The following ALDH4A1 variants were observed in gnomAD, a reference collection of about 807,000 sequenced individuals.
The protein encoded by ALDH4A1 is aldehyde dehydrogenase 4 family member A1.
Under a neutral mutation model 70.5 loss-of-function variants are expected in ALDH4A1, and 46 were observed. The observed-to-expected ratio is 0.65, with a 90% CI of 0.51 to 0.83. ALDH4A1 has a LOEUF of 0.83. Ranked by LOEUF, ALDH4A1 falls within the 40% of genes least tolerant of loss-of-function variation. The pLI, the probability that ALDH4A1 is intolerant of heterozygous loss-of-function variation, is 0.00. For synonymous variants in ALDH4A1, 323 were observed against 324.3 expected (o/e 1.00, Z 0.04); for missense variants, 749 against 766.5 (o/e 0.98, Z 0.27).
chr1:18,897,404 G>A lies in ALDH4A1; in HGVS notation c.62+5058C>T, dbSNP rs562563966. Among the ~76,000 whole-genome samples the A allele has an allele frequency of 8.5e-5, 13 of 152,304 alleles. No individual in the cohort carries two copies. The South Asian group carries it at 2.3e-3, about 27-fold the overall frequency. ...CTAAAAGTACAAAAATTAGCTGGACGTGGTGGCGTGTGCCTGTAGTCTCAG... is the reference window on the plus strand; with the variant it reads ...CTAAAAGTACAAAAATTAGCTGGACATGGTGGCGTGTGCCTGTAGTCTCAG... On this transcript the variant is annotated intron_variant, in intron 1 of 14. Transcript: ENST00000375341.
At chr1:18,890,701 T>C (rs1212760285) in intron 1 of ALDH4A1, 1 of 985,488 alleles carries the variant, frequency 1.0e-6, no homozygotes, top group East Asian at 1.1e-4. Context: ...CACGCGGTTG[T>C]TTGAAGTTTA....
Position 18,876,397 on chromosome 1 carries a change from C to G in ALDH4A1, c.1256G>C (p.Gly419Ala). 1 of 1,613,420 alleles carries G rather than the reference C, an allele frequency of 6.2e-7. No individual in the cohort carries two copies. Among genetic ancestry groups the G allele is most frequent in the Middle Eastern group, 1.7e-4 (1 of 6,032 alleles). Residue 419 changes from glycine (G) to alanine (A), a missense_variant, in exon 12 of 15, where the codon GGC (glycine) becomes GCC (alanine). Physicochemically the swap from Gly to Ala is moderately conservative, Grantham distance 60. Coordinates refer to ENST00000375341, the MANE Select transcript of ALDH4A1 (RefSeq NM_003748.4). ...GTAGCCCACGGAGTCATCACACTTG[C>G]CCCCGGCCAGGATGGTGAGGCTGGG... ...SSPSLTILAG[G>A]KCDDSVGYFV...
At chr1:18,877,128 G>A in intron 11 of ALDH4A1, 80 bp downstream of exon 11, 1 of 1,535,572 alleles carries the variant, frequency 6.5e-7, no homozygotes, top group Non-Finnish European at 8.9e-7. Flanking sequence ...CTGGGTCAGG[G>A]TACCCTGTAT....
intron 1 of ALDH4A1, chr1:18,890,733 G>A (rs774755365): frequency 1.2e-5 from 12 of 985,542 alleles, no homozygotes; most frequent in Middle Eastern, 5.2e-4. Flanking sequence ...GCAAAACCAC[G>A]TTGAAGTATT....
chr1:18,872,706 T>G lies in ALDH4A1; in HGVS notation c.*139A>C. On this transcript the variant is annotated 3_prime_UTR_variant, in exon 15 of 15. Coordinates refer to ENST00000375341, the MANE Select transcript of ALDH4A1 (RefSeq NM_003748.4). The stretch of plus-strand genomic sequence containing the variant: ...AGGCATGGGAGAGGCCAGAATACAG[T>G]GGTAAGAAGGGAGTCAAGCCCGGAT... 1 of 680,504 alleles carries G rather than the reference T, an allele frequency of 1.5e-6. No individual in the cohort carries two copies. Among genetic ancestry groups the G allele is most frequent in the Non-Finnish European group, 2.6e-6 (1 of 388,018 alleles). The allele number at this position is 680,504 out of a possible 1,614,324, so 42.2% of individuals were successfully genotyped here.
chr1:18,889,321 T>C, intron 3 of ALDH4A1, 41 bp downstream of exon 3: 1 of 1,516,224 alleles, frequency 6.6e-7, no homozygotes, highest in Middle Eastern at 1.7e-4. Context: ...AGGTCACATA[T>C]TCAGGGGAGG....
intron 1 of ALDH4A1, 74 bp downstream of exon 1, chr1:18,902,388 G>A: frequency 2.5e-6 from 3 of 1,209,230 alleles, no homozygotes; most frequent in South Asian, 2.0e-5. Flanking sequence ...GCGGCGCGGG[G>A]GACGCCCAGT....
intron 1 of ALDH4A1, among the ~76,000 whole-genome samples, chr1:18,900,394 A>G (rs1022258454): frequency 3.3e-5 from 5 of 152,224 alleles, no homozygotes; most frequent in African/African-American, 1.2e-4. Context: ...GAGTAAATGA[A>G]CAAGTGATCA....
At chr1:18,882,793 G>A (rs562045818) in intron 7 of ALDH4A1, 76 of 593,974 alleles carry the variant, frequency 1.3e-4, no homozygotes, top group Admixed American at 5.4e-4. Context: ...AGCCAGCTCC[G>A]GGCCAGCCCT....
rs148967148 is a variant in ALDH4A1, at chr1:18,886,443, C to G, written c.297+21G>C. 1,718 of 1,613,970 alleles carry G rather than the reference C, an allele frequency of 1.1e-3. 14 individuals are homozygous for G. The African/African-American group carries it at 0.021, about 19-fold the overall frequency. ...GGCAGCAACCCTAACCCCGGGTCAC[C>G]AGGCACACAGGCTCACTCACCTTGT... On this transcript the variant is annotated intron_variant, in intron 4 of 14. Transcript: ENST00000375341.
rs1006944777 is a variant in ALDH4A1 at position 18,885,271 on chromosome 1, A to G, written c.453+202T>C. On this transcript the variant is annotated intron_variant, in intron 5 of 14. Transcript: ENST00000375341. ...AGGGGACATTTCCGAGGCAGGACAC[A>G]TGGGCTCTGCACAATCTGTCTCGCC... 75 of 614,304 alleles carry G rather than the reference A, an allele frequency of 1.2e-4. 5 individuals carry two copies. The highest frequency in any genetic ancestry group is 5.5e-5 in the Admixed American group (2 of 36,116). The allele number at this position is 614,304 out of a possible 1,614,324, so 38.1% of individuals were successfully genotyped here. A position where few individuals can be genotyped will look rare whatever the true frequency, so the allele number is the denominator to read the frequency against.
At chr1:18,888,604 G>A (rs1935309149) in intron 3 of ALDH4A1, among the ~76,000 whole-genome samples, 1 of 152,368 alleles carries the variant, frequency 6.6e-6, no homozygotes, top group Non-Finnish European at 1.5e-5. Context: ...GGCAGCTACA[G>A]AGACAACCAG....
At chr1:18,878,426 AC>A (rs1380482493) in intron 9 of ALDH4A1, among the ~76,000 whole-genome samples, 2 of 151,626 alleles carry the variant, frequency 1.3e-5, no homozygotes, top group Non-Finnish European at 2.9e-5. Flanking sequence ...CTTCCCTGAC[AC>A]CCCCATCCGA....
At chr1:18,888,591 C>T (rs1412738652) in intron 3 of ALDH4A1, among the ~76,000 whole-genome samples, 2 of 152,266 alleles carry the variant, frequency 1.3e-5, no homozygotes, top group Non-Finnish European at 2.9e-5. Context: ...AGGGCAAGCT[C>T]TAGGCAGCTA....
chr1:18,876,739 C>G (rs144198759), intron 11 of ALDH4A1, among the ~76,000 whole-genome samples: 1 of 151,402 alleles, frequency 6.6e-6, no homozygotes, highest in Non-Finnish European at 1.5e-5. Flanking sequence ...AACACAGACA[C>G]ACATCAATCA....
chr1:18,890,495 C>T lies in ALDH4A1; in HGVS notation c.63-390G>A, dbSNP rs540289241. On this transcript the variant is annotated intron_variant, in intron 1 of 14. Transcript: ENST00000375341. ...CCAGGAGGCAGAGGTTGCAGTGAGCCGAGATCGTGCCACTGCACTCCAGCC... is the reference window on the plus strand; with the variant it reads ...CCAGGAGGCAGAGGTTGCAGTGAGCTGAGATCGTGCCACTGCACTCCAGCC... Among the ~76,000 whole-genome samples the T allele has an allele frequency of 1.3e-3, 201 of 152,172 alleles. 2 individuals are homozygous for T. Among genetic ancestry groups the T allele is most frequent in the Non-Finnish European group, 2.3e-3 (157 of 67,990 alleles).
chr1:18,877,291 C>T, intron 10 of ALDH4A1, 36 bp from the exon 11 acceptor site: 1 of 1,588,580 alleles, frequency 6.3e-7, no homozygotes, highest in Non-Finnish European at 8.6e-7. Context: ...AGACGAGTCA[C>T]TGCAGGCCGA....
At chr1:18,893,931 A>G (rs373276122) in intron 1 of ALDH4A1, among the ~76,000 whole-genome samples, 1 of 152,198 alleles carries the variant, frequency 6.6e-6, no homozygotes, top group African/African-American at 2.4e-5. Flanking sequence ...ACTTGAATCT[A>G]TGCTCCCCGG....
chr1:18,880,965 A>G lies in ALDH4A1; in HGVS notation c.866+735T>C, dbSNP rs1208607805. 6.6e-6 allele frequency among the ~76,000 whole-genome samples: 1 copy of G among 152,084 alleles called. No homozygotes were observed. ...ACCTTTGCAGACTCCTAAGTATCTT[A>G]TGGTCACTGAACCACTCCCTGCCGC... On this transcript the variant is annotated intron_variant, in intron 8 of 14. Coordinates refer to ENST00000375341, the MANE Select transcript of ALDH4A1 (RefSeq NM_003748.4). The surrounding 1 kb of genome is among the most constrained non-coding windows in gnomAD (Gnocchi z 5.1).
Sources: gnomAD v4.1 joint callset for allele counts (sites outside exome capture counted in the v4.1 genomes callset) on GRCh38, gnomAD v4.1.1 for gene constraint, Gnocchi (gnomAD v3.1) non-coding constraint, MANE v1.5 for transcripts, NCBI Gene and HGNC (gene_info 2026-07-23, HGNC 2026-07-21) for gene names.